The following NKAIN3 variants were observed in gnomAD, a reference collection of about 807,000 sequenced individuals.
The protein encoded by NKAIN3 is sodium/potassium-transporting ATPase subunit beta-1-interacting protein 3.
In NKAIN3, 25 loss-of-function variants were observed where a neutral mutation model predicts 30.2. That is an observed-to-expected ratio of 0.83 (90% confidence interval 0.60 to 1.16). The LOEUF is 1.16. Ranked by LOEUF, NKAIN3 falls within the 50% of genes most tolerant of loss-of-function variation. The pLI is 0.00. For synonymous variants in NKAIN3, 91 were observed against 89.6 expected (o/e 1.02, Z -0.09); for missense variants, 225 against 254.1 (o/e 0.89, Z 0.78).
intron 3 of NKAIN3, among the ~76,000 whole-genome samples, chr8:62,717,380 T>C (rs1385324258): frequency 6.6e-6 from 1 of 152,174 alleles, no homozygotes; most frequent in African/African-American, 2.4e-5. Context: ...CTATGCTTTA[T>C]GTGTTGCTTT....
intron 1 of NKAIN3, 57 bp from the exon 2 acceptor site, chr8:62,579,482 A>C: frequency 7.0e-7 from 1 of 1,428,270 alleles, no homozygotes; most frequent in Non-Finnish European, 9.4e-7. Context: ...GATAAAGATT[A>C]AAATAGTATG....
At chr8:62,855,789 T>A in intron 4 of NKAIN3, 1 of 1,049,728 alleles carries the variant, frequency 9.5e-7, no homozygotes. Flanking sequence ...CCTTTTATCA[T>A]CAGCAAAGAG....
At chr8:62,735,873 A>C (rs918271042) in intron 3 of NKAIN3, among the ~76,000 whole-genome samples, 1 of 151,950 alleles carries the variant, frequency 6.6e-6, no homozygotes, top group African/African-American at 2.4e-5. Flanking sequence ...TAGGAATGGG[A>C]CTTCCTGAGA....
chr8:62,790,575 G>C (rs1817675606), intron 4 of NKAIN3, among the ~76,000 whole-genome samples: 1 of 71,024 alleles, frequency 1.4e-5, no homozygotes, highest in Non-Finnish European at 4.1e-5. Context: ...GTGTCTGTCT[G>C]TCTGTCTGTG....
chr8:62,569,248 G>A (rs1182989612), intron 1 of NKAIN3, among the ~76,000 whole-genome samples: 1 of 152,132 alleles, frequency 6.6e-6, no homozygotes, highest in Non-Finnish European at 1.5e-5. Context: ...TGATGAAGTA[G>A]GATCATGATA....
At chr8:62,682,159 G>A (rs1381502536) in intron 3 of NKAIN3, among the ~76,000 whole-genome samples, 1 of 152,124 alleles carries the variant, frequency 6.6e-6, no homozygotes, top group African/African-American at 2.4e-5. Flanking sequence ...TACTGTGAGT[G>A]TCCAAAGTGT....
intron 3 of NKAIN3, among the ~76,000 whole-genome samples, chr8:62,594,894 T>C (rs1308173251): frequency 1.1e-4 from 17 of 151,858 alleles, no homozygotes; most frequent in African/African-American, 3.9e-4. Context: ...TTCTTTTTGG[T>C]TAGAGTTCTT....
Position 62,316,103 on chromosome 8 carries a change from C to A in NKAIN3, c.54+66976C>A, listed in dbSNP as rs144507518. On this transcript the variant is annotated intron_variant, in intron 1 of 6. Coordinates refer to ENST00000623646, the MANE Select transcript of NKAIN3 (RefSeq NM_001304533.3). ...CTTGCTGCCACCATGTGAAGAAAGA[C>A]ATATTTGCTTCCTCGTCCACAAGGA... is the stretch of plus-strand genomic sequence containing the variant. Among the ~76,000 whole-genome samples the A allele has an allele frequency of 1.2e-4, 18 of 152,172 alleles. No individual in the cohort carries two copies. The East Asian group carries it at 3.1e-3, about 26-fold the overall frequency.
rs191262434 is a variant in NKAIN3 at position 62,758,461 on chromosome 8, A to G, written c.471+11332A>G. ...AAAAATTCATTGCATTATTTTTTCA[A>G]ATTTTTGGTAAGTCTGAAATTACTT... On this transcript the variant is annotated intron_variant, in intron 4 of 6. Coordinates refer to ENST00000623646, the MANE Select transcript of NKAIN3 (RefSeq NM_001304533.3). Among the ~76,000 whole-genome samples the G allele has an allele frequency of 2.7e-3, 404 of 152,316 alleles. 1 individual carries two copies. Among genetic ancestry groups the G allele is most frequent in the Non-Finnish European group, 5.2e-3 (351 of 68,032 alleles).
intron 1 of NKAIN3, among the ~76,000 whole-genome samples, chr8:62,423,029 T>C (rs16928891): frequency 0.14 from 20,908 of 151,970 alleles, 1,727 homozygotes; most frequent in East Asian, 0.41. Context: ...GAACTCTGGT[T>C]CCTTCTAACA....
Position 62,289,431 on chromosome 8 carries a change from G to A in NKAIN3, c.54+40304G>A, listed in dbSNP as rs544545538. ...AATTAATTGTTGTATAAGATATAAG[G>A]AAGGGATCCAGTTTCAGCTTTCTAC... On this transcript the variant is annotated intron_variant, in intron 1 of 6. Transcript: ENST00000623646. Among the ~76,000 whole-genome samples the A allele has an allele frequency of 3.3e-3, 501 of 152,270 alleles. 3 individuals are homozygous for A. Among genetic ancestry groups the A allele is most frequent in the African/African-American group, 0.012 (484 of 41,542 alleles).
At chr8:62,568,408 G>C (rs1390510061) in intron 1 of NKAIN3, among the ~76,000 whole-genome samples, 1 of 152,048 alleles carries the variant, frequency 6.6e-6, no homozygotes, top group Non-Finnish European at 1.5e-5. Flanking sequence ...TGTTTTGTAG[G>C]CTTTAGAATA....
intron 3 of NKAIN3, among the ~76,000 whole-genome samples, chr8:62,717,770 T>C (rs574384210): frequency 1.3e-5 from 2 of 152,336 alleles, no homozygotes; most frequent in South Asian, 4.1e-4. Context: ...ATCTTTGTGA[T>C]GGTGAATCAG....
intron 4 of NKAIN3, among the ~76,000 whole-genome samples, chr8:62,916,855 G>C (rs2130856180): frequency 6.6e-6 from 1 of 152,254 alleles, no homozygotes; most frequent in East Asian, 1.9e-4. Flanking sequence ...ATTGTAATCT[G>C]GCAGGGATAC....
At chr8:62,798,407 T>G (rs1234895245) in intron 4 of NKAIN3, among the ~76,000 whole-genome samples, 2 of 152,060 alleles carry the variant, frequency 1.3e-5, no homozygotes, top group East Asian at 3.9e-4. Context: ...CCATCTCTAC[T>G]GAAAATACAA....
chr8:62,969,862 A>G lies in NKAIN3; in HGVS notation c.*4455A>G, dbSNP rs1823793598. Among the ~76,000 whole-genome samples, 1 of 152,122 alleles carries G rather than the reference A, an allele frequency of 6.6e-6. No homozygotes were observed. Among genetic ancestry groups the G allele is most frequent in the South Asian group, 2.1e-4 (1 of 4,826 alleles). On this transcript the variant is annotated 3_prime_UTR_variant, in exon 7 of 7. Transcript: ENST00000623646. ...ATGCCCAAAAGTGAACTGACAGAGG[A>G]AAGTACTCTTCATATAACTGCACAG...
At chr8:62,945,181 A>G (rs1288885049) in intron 5 of NKAIN3, among the ~76,000 whole-genome samples, 1 of 152,218 alleles carries the variant, frequency 6.6e-6, no homozygotes, top group African/African-American at 2.4e-5. Context: ...AATATACAAT[A>G]TAGCATAGTA....
At chr8:62,830,650 G>A (rs1310064456) in intron 4 of NKAIN3, among the ~76,000 whole-genome samples, 2 of 152,108 alleles carry the variant, frequency 1.3e-5, no homozygotes, top group African/African-American at 4.8e-5. Context: ...TCCACTCCAA[G>A]CCCAGGCACT....
chr8:62,480,209 A>G (rs564080177), intron 1 of NKAIN3, among the ~76,000 whole-genome samples: 2 of 152,224 alleles, frequency 1.3e-5, no homozygotes, highest in East Asian at 1.9e-4. Context: ...ATTACTATGA[A>G]TTTGACTTCT....
Sources: allele counts gnomAD v4.1 joint callset (sites outside exome capture counted in the v4.1 genomes callset), GRCh38; gene constraint gnomAD v4.1.1; transcripts MANE v1.5; gene names NCBI Gene and HGNC (gene_info 2026-07-23, HGNC 2026-07-21).